Variants in MTUS2 observed in about 807,000 individuals in gnomAD.
MTUS2 encodes microtubule-associated tumor suppressor candidate 2.
A neutral mutation model predicts 114.1 loss-of-function variants in MTUS2; 40 were observed. The ratio of observed to expected loss-of-function variants is 0.35; its 90% CI spans 0.27 to 0.46. The LOEUF is 0.46. Ranked by LOEUF, MTUS2 falls within the 20% of genes least tolerant of loss-of-function variation. The pLI, the probability that MTUS2 is intolerant of heterozygous loss-of-function variation, is 1.00. For missense variants in MTUS2, 1,679 were observed against 1,705.4 expected (o/e 0.98, Z 0.27); for synonymous variants, 688 against 672.0 (o/e 1.02, Z -0.37).
At chr13:29,132,834 A>G (rs1184110342) in intron 5 of MTUS2, among the ~76,000 whole-genome samples, 16 of 152,224 alleles carry the variant, frequency 1.1e-4, no homozygotes, top group Non-Finnish European at 4.4e-5. Flanking sequence ...ATATACAAAT[A>G]TCTTTTTAGG....
In MTUS2 at chr13:28,860,155, T is replaced by G. The variant is rs534977646; in HGVS notation, c.-243+20305T>G. On this transcript the variant is annotated intron_variant, in intron 2 of 15. Coordinates refer to ENST00000612955, the MANE Select transcript of MTUS2 (RefSeq NM_001033602.4). Reference sequence around the variant, plus strand: ...TTTGGAGATAAAATCAAAATACAATTTCTAGATTTTATTGAGGGTCGTCCT... The same window carrying G: ...TTTGGAGATAAAATCAAAATACAATGTCTAGATTTTATTGAGGGTCGTCCT... 7.2e-5 allele frequency among the ~76,000 whole-genome samples: 11 copies of G among 152,290 alleles called. No individual in the cohort carries two copies. The South Asian group carries it at 2.1e-3, about 29-fold the overall frequency.
chr13:29,411,587 A>G (rs903845223), intron 8 of MTUS2, among the ~76,000 whole-genome samples: 12 of 152,240 alleles, frequency 7.9e-5, no homozygotes, highest in Non-Finnish European at 8.8e-5. Flanking sequence ...TTTAGTATCA[A>G]TATGTCTAAC....
At chr13:29,150,325 T>A (rs1199116418) in intron 5 of MTUS2, among the ~76,000 whole-genome samples, 2 of 152,102 alleles carry the variant, frequency 1.3e-5, no homozygotes, top group Admixed American at 6.5e-5. Context: ...TTTTTTCATA[T>A]GTTTATTGGC....
chr13:28,965,903 C>T (rs1766415360), intron 2 of MTUS2, among the ~76,000 whole-genome samples: 2 of 152,126 alleles, frequency 1.3e-5, no homozygotes, highest in Non-Finnish European at 2.9e-5. Flanking sequence ...TTAATCACAT[C>T]TAAAAAAATA....
intron 2 of MTUS2, among the ~76,000 whole-genome samples, chr13:29,021,231 C>T (rs1177052144): frequency 2.0e-5 from 3 of 152,190 alleles, no homozygotes; most frequent in Non-Finnish European, 4.4e-5. Context: ...CGTGCTACTG[C>T]ACTCCAGCCT....
chr13:28,888,804 CAA>C (rs113752378), intron 2 of MTUS2, among the ~76,000 whole-genome samples: 137 of 145,042 alleles, frequency 9.4e-4, no homozygotes, highest in Non-Finnish European at 1.2e-3. Flanking sequence ...ATCTGAAAAA[CAA>C]GAGATATTTC....
chr13:29,442,009 G>A (rs927567255), intron 9 of MTUS2, among the ~76,000 whole-genome samples: 7 of 152,192 alleles, frequency 4.6e-5, no homozygotes, highest in Non-Finnish European at 8.8e-5. Context: ...CCTCCTGAGC[G>A]AAGCTGCCAA....
intron 2 of MTUS2, among the ~76,000 whole-genome samples, chr13:28,956,735 T>C (rs891324650): frequency 6.6e-6 from 1 of 151,246 alleles, no homozygotes; most frequent in African/African-American, 2.4e-5. Context: ...CCTGGGGAGG[T>C]TGTATGGATA....
At chr13:28,951,113 G>C (rs574263868) in intron 2 of MTUS2, among the ~76,000 whole-genome samples, 2 of 152,014 alleles carry the variant, frequency 1.3e-5, no homozygotes, top group African/African-American at 4.8e-5. Flanking sequence ...GGATGCAAAA[G>C]AATCACAAAA....
At chr13:29,072,673 T>A (rs1394180264) in intron 4 of MTUS2, among the ~76,000 whole-genome samples, 2 of 152,236 alleles carry the variant, frequency 1.3e-5, no homozygotes, top group Non-Finnish European at 2.9e-5. Context: ...AAAATATTGT[T>A]TCTTTTAATT....
chr13:29,182,208 C>G (rs1894034884), intron 5 of MTUS2, among the ~76,000 whole-genome samples: 1 of 152,212 alleles, frequency 6.6e-6, no homozygotes, highest in Non-Finnish European at 1.5e-5. Context: ...TTGATTCTCT[C>G]TCTTTCTCAC....
intron 2 of MTUS2, among the ~76,000 whole-genome samples, chr13:28,852,937 CCT>C (rs1876384475): frequency 3.0e-5 from 1 of 33,538 alleles, no homozygotes; most frequent in Non-Finnish European, 7.3e-5. Context: ...ACATAGCGAG[CCT>C]CTGTCTTAAA....
chr13:29,139,706 T>C (rs572576888), intron 5 of MTUS2, among the ~76,000 whole-genome samples: 1 of 152,308 alleles, frequency 6.6e-6, no homozygotes, highest in East Asian at 1.9e-4. Context: ...TGGCACTGTT[T>C]TGCAAAAATA....
intron 3 of MTUS2, among the ~76,000 whole-genome samples, chr13:29,028,426 G>C (rs1481641413): frequency 1.3e-5 from 2 of 152,084 alleles, no homozygotes; most frequent in Admixed American, 1.3e-4. Context: ...ACACAAGCTG[G>C]AGCCTGTAGG....
chr13:29,041,743 A>G (rs1244994643), intron 4 of MTUS2, among the ~76,000 whole-genome samples: 1 of 151,934 alleles, frequency 6.6e-6, no homozygotes, highest in African/African-American at 2.4e-5. Context: ...AAAGGGGTTG[A>G]GTTCTTGATT....
chr13:29,333,520 G>C (rs943405259), intron 7 of MTUS2, among the ~76,000 whole-genome samples: 10 of 152,170 alleles, frequency 6.6e-5, no homozygotes, highest in Admixed American at 6.5e-5. Flanking sequence ...ATAATCCTGA[G>C]TTCTAATTTG....
At chr13:29,020,153 A>G (rs1202314312) in intron 2 of MTUS2, among the ~76,000 whole-genome samples, 21 of 152,134 alleles carry the variant, frequency 1.4e-4, no homozygotes, top group Admixed American at 1.4e-3. Flanking sequence ...TTCCTTTCAA[A>G]CTAGTACTGA....
intron 2 of MTUS2, among the ~76,000 whole-genome samples, chr13:28,942,445 T>G (rs1310212636): frequency 1.3e-5 from 2 of 152,272 alleles, no homozygotes; most frequent in Non-Finnish European, 2.9e-5. Context: ...CCTTATAGAC[T>G]AGTAATTACA....
chr13:29,153,350 A>G (rs1209263412), intron 5 of MTUS2, among the ~76,000 whole-genome samples: 2 of 152,196 alleles, frequency 1.3e-5, no homozygotes, highest in African/African-American at 2.4e-5. Context: ...CAAATCCACA[A>G]TAATATATTT....
Sources: allele counts gnomAD v4.1 joint callset (sites outside exome capture counted in the v4.1 genomes callset), GRCh38; gene constraint gnomAD v4.1.1; transcripts MANE v1.5; gene names NCBI Gene and HGNC (gene_info 2026-07-23, HGNC 2026-07-21).